The following IGSF21 variants were observed in gnomAD, a reference collection of about 807,000 sequenced individuals.
IGSF21 encodes immunoglobulin superfamily member 21.
In IGSF21, 28 loss-of-function variants were observed where a neutral mutation model predicts 46.8. The observed-to-expected ratio is 0.60, with a 90% confidence interval of 0.44 to 0.82. The LOEUF (loss-of-function observed/expected upper bound fraction) is 0.82. IGSF21 is among the 40% of genes least tolerant of loss of function. The pLI is 0.00. For missense variants in IGSF21, 624 were observed against 665.5 expected (o/e 0.94, Z 0.69); for synonymous variants, 284 against 273.6 (o/e 1.04, Z -0.38).
chr1:18,160,957 C>T (rs576207443), intron 1 of IGSF21, among the ~76,000 whole-genome samples: 2 of 152,194 alleles, frequency 1.3e-5, no homozygotes, highest in South Asian at 2.1e-4. Context: ...GATCCATGTA[C>T]CCCCTGCATC....
chr1:18,142,817 G>A (rs762112858), intron 1 of IGSF21, among the ~76,000 whole-genome samples: 13 of 152,182 alleles, frequency 8.5e-5, no homozygotes, highest in East Asian at 1.9e-4. Context: ...AAGCACTAGC[G>A]AGTGGGACAA....
chr1:18,320,651 T>C (rs1237634652), intron 3 of IGSF21, among the ~76,000 whole-genome samples: 2 of 152,214 alleles, frequency 1.3e-5, no homozygotes, highest in Non-Finnish European at 2.9e-5. Context: ...AAGCTGCCCC[T>C]GGTCCATCCC....
chr1:18,232,926 T>C (rs1489824507), intron 2 of IGSF21, among the ~76,000 whole-genome samples: 1 of 152,192 alleles, frequency 6.6e-6, no homozygotes, highest in Non-Finnish European at 1.5e-5. Flanking sequence ...CAGGGGGCTT[T>C]GTTAAGTATG....
At chr1:18,111,150 C>T (rs946259861) in intron 1 of IGSF21, 1 of 152,360 alleles carries the variant, frequency 6.6e-6, no homozygotes, top group Non-Finnish European at 1.5e-5. Flanking sequence ...TTCACACGCC[C>T]CCTTCCCACT....
At chr1:18,223,810 T>A (rs1262536470) in intron 1 of IGSF21, among the ~76,000 whole-genome samples, 1 of 152,164 alleles carries the variant, frequency 6.6e-6, no homozygotes, top group African/African-American at 2.4e-5. Flanking sequence ...AAGTGACACA[T>A]GCTCAGGCAA....
intron 6 of IGSF21, among the ~76,000 whole-genome samples, chr1:18,370,003 C>A (rs1297300092): frequency 6.6e-6 from 1 of 152,148 alleles, no homozygotes; most frequent in African/African-American, 2.4e-5. Context: ...CCACTCTTCC[C>A]TCCTATCCCA....
At chr1:18,234,827 C>G (rs12038795) in intron 2 of IGSF21, among the ~76,000 whole-genome samples, 32,438 of 152,014 alleles carry the variant, frequency 0.21, 3,931 homozygotes, top group East Asian at 0.27. Flanking sequence ...CAAACCATAT[C>G]ACAATCCTTT....
intron 2 of IGSF21, among the ~76,000 whole-genome samples, chr1:18,284,594 C>T (rs894590757): frequency 1.5e-4 from 23 of 152,184 alleles, no homozygotes; most frequent in Admixed American, 4.6e-4. Context: ...ATATCCCTCG[C>T]GTTACAGATG....
intron 2 of IGSF21, among the ~76,000 whole-genome samples, chr1:18,273,616 G>T (rs1298111671): frequency 6.6e-6 from 1 of 150,638 alleles, no homozygotes; most frequent in Non-Finnish European, 1.5e-5. Flanking sequence ...ATAATGAAAA[G>T]CAAATGGGTT....
At position 18,134,825 on chromosome 1, in the gene IGSF21, C is replaced by CG. The variant is rs1374240933; in HGVS notation, c.70+26631dup. On this transcript the variant is annotated intron_variant, in intron 1 of 9. Transcript: ENST00000251296. ...CCTCCCCGACTCAACCTGCTCAGAC[C>CG]GGGGCCTCAGTCAGTTACAGTGAGA... 5.3e-5 allele frequency among the ~76,000 whole-genome samples: 8 copies of CG among 152,188 alleles called. No individual in the cohort carries two copies. In the East Asian group the frequency reaches 1.5e-3, roughly 29 times the overall value.
intron 4 of IGSF21, among the ~76,000 whole-genome samples, chr1:18,359,834 A>G (rs1274236166): frequency 1.3e-5 from 2 of 152,220 alleles, no homozygotes; most frequent in Non-Finnish European, 2.9e-5. Flanking sequence ...TCAAATGTGT[A>G]CATACACCTA....
chr1:18,251,328 C>A (rs918928021), intron 2 of IGSF21, among the ~76,000 whole-genome samples: 3 of 152,234 alleles, frequency 2.0e-5, no homozygotes, highest in East Asian at 1.9e-4. Flanking sequence ...GTCAGGAGAG[C>A]CTGCGTTGTG....
intron 1 of IGSF21, among the ~76,000 whole-genome samples, chr1:18,161,178 G>A (rs780255428): frequency 4.6e-5 from 7 of 152,128 alleles, no homozygotes; most frequent in Non-Finnish European, 1.0e-4. Flanking sequence ...AGCACGGCCA[G>A]CCTCAGCCTC....
At chr1:18,361,851 C>T in intron 4 of IGSF21, 1 of 392,026 alleles carries the variant, frequency 2.6e-6, no homozygotes, top group Non-Finnish European at 4.6e-6. Flanking sequence ...GCACTTCACA[C>T]TTTGATCTGT....
intron 3 of IGSF21, among the ~76,000 whole-genome samples, chr1:18,317,732 A>G (rs998248371): frequency 6.6e-6 from 1 of 152,246 alleles, no homozygotes; most frequent in African/African-American, 2.4e-5. Context: ...ATTGGAAGAA[A>G]GCATGAACAC....
chr1:18,166,477 T>A (rs34047989), intron 1 of IGSF21, among the ~76,000 whole-genome samples: 11,015 of 152,250 alleles, frequency 0.072, 435 homozygotes, highest in Middle Eastern at 0.16. Flanking sequence ...TCTGAGACGC[T>A]GAGTCTCTTT....
chr1:18,267,691 G>A (rs965227579), intron 2 of IGSF21, among the ~76,000 whole-genome samples: 3 of 152,224 alleles, frequency 2.0e-5, no homozygotes, highest in African/African-American at 7.2e-5. Context: ...CGGGCCCTAG[G>A]TGGAGGCTGC....
chr1:18,240,778 T>C (rs905077600), intron 2 of IGSF21, among the ~76,000 whole-genome samples: 2 of 152,202 alleles, frequency 1.3e-5, no homozygotes, highest in African/African-American at 4.8e-5. Flanking sequence ...TCTAAGCAAA[T>C]GGCATGGCCA....
intron 1 of IGSF21, among the ~76,000 whole-genome samples, chr1:18,196,559 C>T (rs566300138): frequency 3.6e-4 from 55 of 152,196 alleles, no homozygotes; most frequent in African/African-American, 1.3e-3. Flanking sequence ...AAGGTACCCC[C>T]TGAAAAATTA....
Sources: allele counts gnomAD v4.1 joint callset (sites outside exome capture counted in the v4.1 genomes callset), GRCh38; gene constraint gnomAD v4.1.1; transcripts MANE v1.5; gene names NCBI Gene and HGNC (gene_info 2026-07-23, HGNC 2026-07-21).